Variants in ADCY8 observed in about 807,000 individuals in gnomAD.
ADCY8 encodes adenylate cyclase type 8.
A neutral mutation model predicts 119.7 loss-of-function variants in ADCY8; 51 were observed. The observed-to-expected ratio is 0.43, with a 90% CI of 0.34 to 0.54. The LOEUF is 0.54. Ranked by LOEUF, ADCY8 falls within the 20% of genes least tolerant of loss-of-function variation. ADCY8 has a pLI of 0.03. For missense variants in ADCY8, 1,383 were observed against 1,598.8 expected (o/e 0.87, Z 2.30); for synonymous variants, 665 against 651.0 (o/e 1.02, Z -0.33).
At chr8:130,797,728 T>C (rs1815629649) in intron 15 of ADCY8, among the ~76,000 whole-genome samples, 1 of 152,172 alleles carries the variant, frequency 6.6e-6, no homozygotes, top group South Asian at 2.1e-4. Flanking sequence ...TACCAGTGAC[T>C]TCTTGTGTAA....
intron 1 of ADCY8, among the ~76,000 whole-genome samples, chr8:131,010,753 G>C (rs1464716708): frequency 6.6e-6 from 1 of 152,166 alleles, no homozygotes; most frequent in African/African-American, 2.4e-5. Context: ...TGTGTCACTA[G>C]GTTTAAAGTT....
At chr8:130,809,240 A>C (rs1816083556) in intron 14 of ADCY8, among the ~76,000 whole-genome samples, 1 of 152,188 alleles carries the variant, frequency 6.6e-6, no homozygotes, top group African/African-American at 2.4e-5. Context: ...GGTGTTACGC[A>C]TACCTGGGTT....
chr8:130,907,906 C>T (rs1178799776), intron 6 of ADCY8, among the ~76,000 whole-genome samples: 1 of 152,158 alleles, frequency 6.6e-6, no homozygotes, highest in African/African-American at 2.4e-5. Context: ...CTCCCTTCTC[C>T]CTCTAGCAGG....
chr8:130,805,816 C>A (rs1815931295), intron 14 of ADCY8, among the ~76,000 whole-genome samples: 1 of 152,096 alleles, frequency 6.6e-6, no homozygotes, highest in South Asian at 2.1e-4. Context: ...TCTTGTGGGG[C>A]AGAAAGGGAA....
chr8:130,870,542 C>T (rs989339421), intron 8 of ADCY8, among the ~76,000 whole-genome samples: 1 of 152,118 alleles, frequency 6.6e-6, no homozygotes, highest in Non-Finnish European at 1.5e-5. Context: ...CTAAGCAGGG[C>T]ATCTCAGGAT....
intron 12 of ADCY8, among the ~76,000 whole-genome samples, chr8:130,823,557 T>A (rs529736008): frequency 6.6e-6 from 1 of 152,194 alleles, no homozygotes; most frequent in African/African-American, 2.4e-5. Context: ...CTCTTTATGC[T>A]AATAGAAAGG....
At chr8:130,901,196 C>G (rs1183080693) in intron 7 of ADCY8, among the ~76,000 whole-genome samples, 1 of 150,450 alleles carries the variant, frequency 6.6e-6, no homozygotes, top group Non-Finnish European at 1.5e-5. Context: ...ATATAAACCA[C>G]TGGCTGACTT....
rs748401433 is a variant in ADCY8, at chr8:130,814,159, C to G, written c.2823G>C (p.Lys941Asn). 1 of 1,614,160 alleles carries G rather than the reference C, an allele frequency of 6.2e-7. No individual in the cohort carries two copies. Among genetic ancestry groups the G allele is most frequent in the Non-Finnish European group, 8.5e-7 (1 of 1,180,042 alleles). Reference protein sequence around the residue: ...VQAKEEINEMKELREHNENML... With the variant: ...VQAKEEINEMNELREHNENML... Reference sequence around the variant, plus strand: ...TGTTCTCATTGTGTTCCCTCAGCTCCTTCATCTCATTGATCTCCTCTTTGG... The same window carrying G: ...TGTTCTCATTGTGTTCCCTCAGCTCGTTCATCTCATTGATCTCCTCTTTGG... The change falls in exon 14 of 18, where the codon AAG becomes AAC. Residue 941 changes from lysine to asparagine, a missense_variant. Coordinates refer to ENST00000286355, the MANE Select transcript of ADCY8 (RefSeq NM_001115.3).
intron 15 of ADCY8, among the ~76,000 whole-genome samples, chr8:130,793,862 T>C (rs1815498432): frequency 1.3e-5 from 2 of 152,198 alleles, no homozygotes; most frequent in South Asian, 4.1e-4. Context: ...AATACTATAC[T>C]GGGTTAAATA....
At chr8:130,925,289 A>G (rs1248772226) in intron 5 of ADCY8, among the ~76,000 whole-genome samples, 7 of 152,228 alleles carry the variant, frequency 4.6e-5, no homozygotes, top group Non-Finnish European at 2.9e-5. Flanking sequence ...AATAGAAGCC[A>G]TGGTAAAACA....
chr8:130,847,313 A>G, intron 11 of ADCY8, 111 bp downstream of exon 11: 1 of 707,856 alleles, frequency 1.4e-6, no homozygotes, highest in Non-Finnish European at 2.4e-6. Context: ...GAAGAAGGAA[A>G]ACAGGCCTCT....
intron 2 of ADCY8, among the ~76,000 whole-genome samples, chr8:130,964,514 A>G (rs1821702874): frequency 1.3e-5 from 2 of 152,200 alleles, no homozygotes; most frequent in Non-Finnish European, 2.9e-5. Flanking sequence ...GAAATCAAAT[A>G]CTTTGGGAAG....
At chr8:130,921,431 C>T (rs1291901139) in intron 5 of ADCY8, among the ~76,000 whole-genome samples, 3 of 148,310 alleles carry the variant, frequency 2.0e-5, no homozygotes, top group African/African-American at 7.4e-5. Flanking sequence ...AATGGTTATC[C>T]ATTTTTCTTT....
In ADCY8 at chr8:130,780,397, A is replaced by G; in HGVS notation, c.3749T>C (p.Leu1250Ser). The change falls in exon 18 of 18, where the codon TTG becomes TCG. Residue 1250 changes from leucine to serine, a missense_variant. Leu to Ser is a moderately radical substitution (Grantham distance 145, BLOSUM62 -2). Around this residue, in one of 2 missense-constraint regions of ADCY8, gnomAD observed 928 missense variants for 1,163.5 expected, o/e 0.80. Coordinates refer to ENST00000286355, the MANE Select transcript of ADCY8 (RefSeq NM_001115.3). ...AACAGAAAGAAAATGCTTTTATGGC[A>G]AATCAGATTTGTCGGTGCCTTCAGC... ...AQAEGTDKSD[L>S]P is the part of the protein sequence containing the mutation. The G allele has an allele frequency of 2.7e-6, 4 of 1,473,136 alleles. No individual in the cohort carries two copies. Among genetic ancestry groups the G allele is most frequent in the Non-Finnish European group, 3.6e-6 (4 of 1,109,368 alleles). 91.3% of individuals were successfully genotyped at this position (1,473,136 alleles called of 1,614,324 possible).
At chr8:130,781,834 G>A (rs1048608837) in intron 17 of ADCY8, among the ~76,000 whole-genome samples, 11 of 152,172 alleles carry the variant, frequency 7.2e-5, no homozygotes, top group East Asian at 1.9e-4. Context: ...GGGCATGTAT[G>A]TCTCTTTCTA....
chr8:130,923,104 C>G (rs756882342), intron 5 of ADCY8, among the ~76,000 whole-genome samples: 1 of 152,014 alleles, frequency 6.6e-6, no homozygotes, highest in Non-Finnish European at 1.5e-5. Context: ...TGTCCATGTA[C>G]TGAACATCAC....
chr8:130,870,241 T>C (rs927456208), intron 8 of ADCY8, among the ~76,000 whole-genome samples: 1 of 151,974 alleles, frequency 6.6e-6, no homozygotes. Flanking sequence ...CTCAAACTCC[T>C]GACCTTGTGA....
intron 15 of ADCY8, among the ~76,000 whole-genome samples, chr8:130,797,450 AC>A (rs1371804032): frequency 1.3e-5 from 2 of 152,194 alleles, no homozygotes; most frequent in African/African-American, 2.4e-5. Context: ...AATTGCATTA[AC>A]CTATCTTCAC....
chr8:130,815,760 C>A (rs1816316532), intron 13 of ADCY8, among the ~76,000 whole-genome samples: 1 of 152,180 alleles, frequency 6.6e-6, no homozygotes, highest in Admixed American at 6.5e-5. Flanking sequence ...CACACTTTAA[C>A]CCTGGACAAG....
Sources: gnomAD v4.1 joint callset for allele counts (sites outside exome capture counted in the v4.1 genomes callset) on GRCh38, gnomAD v4.1.1 for gene constraint, gnomAD v4.1.1 regional missense constraint, MANE v1.5 for transcripts, NCBI Gene and HGNC (gene_info 2026-07-23, HGNC 2026-07-21) for gene names.